Variants in CYLD observed in about 807,000 individuals in gnomAD.
The protein encoded by CYLD is CYLD lysine 63 deubiquitinase.
Under a neutral mutation model 104.5 loss-of-function variants are expected in CYLD, and 26 were observed. That is an observed-to-expected ratio of 0.25 (90% CI 0.18 to 0.35). CYLD has a LOEUF of 0.35. Among genes scored for constraint, CYLD ranks in the 10% least tolerant of loss-of-function variants. The pLI is 1.00. For missense variants in CYLD, 703 were observed against 1,136.1 expected (o/e 0.62, Z 5.48); for synonymous variants, 385 against 399.9 (o/e 0.96, Z 0.45).
chr16:50,750,309 C>G, intron 3 of CYLD, 107 bp downstream of exon 3: 30 of 1,296,542 alleles, frequency 2.3e-5, no homozygotes, highest in Non-Finnish European at 3.2e-5. Context: ...ATAAATTTTC[C>G]CAAGAGTCTT....
rs34233862 is a variant in CYLD at position 50,793,920 on chromosome 16, A to ATT, written c.2469+274_2470-273dup. On this transcript the variant is annotated intron_variant, in intron 17 of 18. Transcript: ENST00000427738. ...ACATTGAGTTTCTCTCATTAATGAC[A>ATT]TTTTTTTTTTTTTTTTTTTGAGACT... Among the ~76,000 whole-genome samples, 1,001 of 131,010 alleles carry ATT rather than the reference A, an allele frequency of 7.6e-3. 25 individuals carry two copies. Among genetic ancestry groups the ATT allele is most frequent in the African/African-American group, 0.013 (468 of 34,716 alleles). 85.9% of individuals were successfully genotyped at this position (131,010 alleles called of 152,430 possible).
chr16:50,756,255 T>C (rs1967226560), intron 5 of CYLD, among the ~76,000 whole-genome samples: 1 of 152,200 alleles, frequency 6.6e-6, no homozygotes, highest in Non-Finnish European at 1.5e-5. Flanking sequence ...AAACCCTTCC[T>C]GTTAATTAGA....
At chr16:50,756,537 C>T (rs1967261423) in intron 5 of CYLD, among the ~76,000 whole-genome samples, 1 of 152,180 alleles carries the variant, frequency 6.6e-6, no homozygotes, top group Non-Finnish European at 1.5e-5. Flanking sequence ...TGTCTGCTGT[C>T]AGGTAATTGA....
chr16:50,748,493 A>G (rs1966378698), intron 2 of CYLD, among the ~76,000 whole-genome samples: 1 of 152,132 alleles, frequency 6.6e-6, no homozygotes, highest in Non-Finnish European at 1.5e-5. Flanking sequence ...AACTGCAGTG[A>G]GCTATGATCG....
intron 5 of CYLD, among the ~76,000 whole-genome samples, chr16:50,761,268 C>T (rs1158002114): frequency 6.6e-6 from 1 of 152,054 alleles, no homozygotes; most frequent in Non-Finnish European, 1.5e-5. Flanking sequence ...TTTCTGGTCA[C>T]CCTCATTTGT....
chr16:50,785,210 GA>G (rs1970687691), intron 12 of CYLD: 1 of 151,738 alleles, frequency 6.6e-6, no homozygotes, highest in Admixed American at 6.6e-5. Context: ...AATATAGAGA[GA>G]AAGTGATTTA....
chr16:50,755,016 TATATATAC>T, intron 5 of CYLD, among the ~76,000 whole-genome samples: 1 of 9,246 alleles, frequency 1.1e-4, no homozygotes, highest in Admixed American at 8.9e-4. Context: ...CATATATATG[TATATATAC>T]ATATATATGT....
chr16:50,755,045 ATATATG>A lies in CYLD; in HGVS notation c.913+627_913+632del, dbSNP rs759441891. ...TATACATATATATGTATATATACAT[ATATATG>A]TATATATACATATAGATATGTATAC... is the stretch of plus-strand genomic sequence containing the variant. On this transcript the variant is annotated intron_variant, in intron 5 of 18. Coordinates refer to ENST00000427738, the MANE Select transcript of CYLD (RefSeq NM_001378743.1). Among the ~76,000 whole-genome samples, 7 of 110,846 alleles carry A rather than the reference ATATATG, an allele frequency of 6.3e-5. 1 individual carries two copies. The highest frequency in any genetic ancestry group is 6.5e-4 in the South Asian group (2 of 3,096). The allele number at this position is 110,846 out of a possible 152,430, so 72.7% of individuals were successfully genotyped here. A position where few individuals can be genotyped will look rare whatever the true frequency, so the allele number is the denominator to read the frequency against.
Position 50,750,413 on chromosome 16 carries a change from T to C in CYLD, c.504+211T>C, listed in dbSNP as rs191791243. Reference sequence around the variant, plus strand: ...TTGCTTATAGTTGTCACTGATAATATGTGTGAAAATCACCTTGGCGTTTAT... The same window carrying C: ...TTGCTTATAGTTGTCACTGATAATACGTGTGAAAATCACCTTGGCGTTTAT... On this transcript the variant is annotated intron_variant, in intron 3 of 18. Coordinates refer to ENST00000427738, the MANE Select transcript of CYLD (RefSeq NM_001378743.1). 7.0e-4 allele frequency among the ~76,000 whole-genome samples: 107 copies of C among 152,336 alleles called. 1 individual carries two copies. The highest frequency in any genetic ancestry group is 1.9e-3 in the African/African-American group (77 of 41,578).
At chr16:50,783,479 C>G (rs1354451122) in intron 11 of CYLD, among the ~76,000 whole-genome samples, 1 of 152,044 alleles carries the variant, frequency 6.6e-6, no homozygotes, top group Non-Finnish European at 1.5e-5. Flanking sequence ...TTTAGATTTC[C>G]TGATAAAAAT....
intron 5 of CYLD, among the ~76,000 whole-genome samples, chr16:50,771,598 G>A (rs541283744): frequency 1.1e-4 from 17 of 152,244 alleles, no homozygotes; most frequent in African/African-American, 4.1e-4. Context: ...TTCTGAAGGA[G>A]CTGCACCATT....
chr16:50,749,542 T>C, intron 2 of CYLD, 34 bp from the exon 3 acceptor site: 2 of 715,508 alleles, frequency 2.8e-6, no homozygotes, highest in Non-Finnish European at 4.5e-6. Flanking sequence ...TTTTGCTTTT[T>C]CACTAGGCAT....
chr16:50,756,922 C>T (rs995605012), intron 5 of CYLD, among the ~76,000 whole-genome samples: 1 of 152,122 alleles, frequency 6.6e-6, no homozygotes, highest in Admixed American at 6.5e-5. Context: ...CTTTTCAGTA[C>T]CTCCCCACCC....
intron 12 of CYLD, chr16:50,785,097 C>T (rs1215132180): frequency 6.6e-6 from 1 of 152,212 alleles, no homozygotes; most frequent in African/African-American, 2.4e-5. Flanking sequence ...CTAGTAAAGA[C>T]TTTGAATAAG....
chr16:50,746,373 A>G (rs1966194790), intron 2 of CYLD, among the ~76,000 whole-genome samples: 1 of 152,204 alleles, frequency 6.6e-6, no homozygotes, highest in African/African-American at 2.4e-5. Flanking sequence ...ATTGCCTTGT[A>G]TATCTCTAGA....
At chr16:50,771,927 A>G (rs1046041848) in intron 5 of CYLD, among the ~76,000 whole-genome samples, 3 of 152,142 alleles carry the variant, frequency 2.0e-5, no homozygotes, top group African/African-American at 7.2e-5. Context: ...TGTCTGTCCT[A>G]CTGCCCATAC....
chr16:50,775,211 G>A (rs764351702), intron 6 of CYLD, 37 bp downstream of exon 6: 48 of 1,577,070 alleles, frequency 3.0e-5, no homozygotes, highest in Non-Finnish European at 4.3e-6. Flanking sequence ...CTCCACGGAT[G>A]TATTGTTGAA....
chr16:50,796,919 G>A lies in CYLD; in HGVS notation c.*411G>A, dbSNP rs1972100527. 6.5e-6 allele frequency: 2 copies of A among 309,566 alleles called. No homozygotes were observed. The highest frequency in any genetic ancestry group is 4.6e-5 in the Admixed American group (1 of 21,690). The allele number at this position is 309,566 out of a possible 1,614,324, so 19.2% of individuals were successfully genotyped here. A position where few individuals can be genotyped will look rare whatever the true frequency, so the allele number is the denominator to read the frequency against. The stretch of plus-strand genomic sequence containing the variant: ...AAATCATTTTTCTTTTGTAGCTAAC[G>A]GTTGCCTTGAGGAAGAAATAATTTG... On this transcript the variant is annotated 3_prime_UTR_variant, in exon 19 of 19. Coordinates refer to ENST00000427738, the MANE Select transcript of CYLD (RefSeq NM_001378743.1).
chr16:50,797,813 G>A lies in CYLD; in HGVS notation c.*1305G>A, dbSNP rs899732263. ...AGTGGAAAGAATCTTTACAAACCCT[G>A]CAATTACTTTTTTAAAGGCACTTTT... On this transcript the variant is annotated 3_prime_UTR_variant, in exon 19 of 19. Coordinates refer to ENST00000427738, the MANE Select transcript of CYLD (RefSeq NM_001378743.1). 1 of 232,414 alleles carries A rather than the reference G, an allele frequency of 4.3e-6. No individual in the cohort carries two copies. The highest frequency in any genetic ancestry group is 2.2e-5 in the African/African-American group (1 of 45,260). 14.4% of individuals were successfully genotyped at this position (232,414 alleles called of 1,614,324 possible). A position where few individuals can be genotyped will look rare whatever the true frequency, so the allele number is the denominator to read the frequency against.
Sources: gnomAD v4.1 joint callset for allele counts (sites outside exome capture counted in the v4.1 genomes callset) on GRCh38, gnomAD v4.1.1 for gene constraint, MANE v1.5 for transcripts, NCBI Gene and HGNC (gene_info 2026-07-23, HGNC 2026-07-21) for gene names.